Variants in PTGER4 observed in about 807,000 individuals in gnomAD.
PTGER4 encodes the protein prostaglandin E receptor 4, also known as prostaglandin E2 receptor EP4 subtype.
A neutral mutation model predicts 33.2 loss-of-function variants in PTGER4; 11 were observed. The ratio of observed to expected loss-of-function variants is 0.33; its 90% CI spans 0.21 to 0.55. PTGER4 has a LOEUF of 0.55. Among genes scored for constraint, PTGER4 ranks in the 20% least tolerant of loss-of-function variants. PTGER4 has a pLI of 0.92. For missense variants in PTGER4, 481 were observed against 650.2 expected (o/e 0.74, Z 2.83); for synonymous variants, 275 against 281.5 (o/e 0.98, Z 0.23).
In PTGER4 at chr5:40,693,587, C is replaced by T. The variant is rs976764338; in HGVS notation, c.*1209C>T. 1.3e-5 allele frequency: 13 copies of T among 985,740 alleles called. No homozygotes were observed. The highest frequency in any genetic ancestry group is 1.6e-5 in the Non-Finnish European group (13 of 829,898). 61.1% of individuals were successfully genotyped at this position (985,740 alleles called of 1,614,324 possible). A position where few individuals can be genotyped will look rare whatever the true frequency, so the allele number is the denominator to read the frequency against. ...GTACACATATTTGAAGGGTCTTTCT[C>T]AAAGAAATATTAAGCATGTTTTGTT... is the stretch of plus-strand genomic sequence containing the variant. On this transcript the variant is annotated 3_prime_UTR_variant, in exon 3 of 3. Coordinates refer to ENST00000302472, the MANE Select transcript of PTGER4 (RefSeq NM_000958.3).
At chr5:40,701,655 G>A in the PTGER4 span, among the ~76,000 whole-genome samples, 1 of 152,158 alleles carries the variant, frequency 6.6e-6, no homozygotes, top group Non-Finnish European at 1.5e-5. Context: ...AGGGAGGCCA[G>A]CAGTCAAATT....
the PTGER4 span, among the ~76,000 whole-genome samples, chr5:40,737,299 C>CA: frequency 0.035 from 4,119 of 116,254 alleles, 54 homozygotes; most frequent in Middle Eastern, 0.083. Context: ...GGCTCCACCT[C>CA]AAAAAAAAAA....
At chr5:40,690,130 A>G (rs1367499522) in intron 2 of PTGER4, among the ~76,000 whole-genome samples, 1 of 152,140 alleles carries the variant, frequency 6.6e-6, no homozygotes, top group African/African-American at 2.4e-5. Context: ...ACTTGAGCTC[A>G]AGAGTTAGAG....
intron 2 of PTGER4, among the ~76,000 whole-genome samples, chr5:40,689,813 T>C (rs1741424437): frequency 6.6e-6 from 1 of 152,184 alleles, no homozygotes; most frequent in Non-Finnish European, 1.5e-5. Flanking sequence ...ACTGTGAGAC[T>C]CAACCTCTTC....
chr5:40,728,295 A>AAAAAAAAAAAAAT, the PTGER4 span: 2 of 1,239,896 alleles, frequency 1.6e-6, no homozygotes, highest in Non-Finnish European at 2.2e-6. Context: ...AAAAAAAAAA[A>AAAAAAAAAAAAAT]GTCAAAATAT....
At position 40,680,867 on chromosome 5, in the gene PTGER4, T is replaced by G; in HGVS notation, c.-43-84T>G. The stretch of plus-strand genomic sequence containing the variant: ...AGTTGCTCCCCTTGTCTTATCAGTG[T>G]ATCGTTTCTCGGGCGCGGGTCTAAC... On this transcript the variant is annotated intron_variant, in intron 1 of 2. Coordinates refer to ENST00000302472, the MANE Select transcript of PTGER4 (RefSeq NM_000958.3). The surrounding 1 kb of genome is among the most constrained non-coding windows in gnomAD (Gnocchi z 5.5). 1 of 1,194,140 alleles carries G rather than the reference T, an allele frequency of 8.4e-7. No individual in the cohort carries two copies. Among genetic ancestry groups the G allele is most frequent in the Non-Finnish European group, 1.2e-6 (1 of 852,488 alleles). The allele number at this position is 1,194,140 out of a possible 1,614,324, so 74.0% of individuals were successfully genotyped here.
intron 2 of PTGER4, among the ~76,000 whole-genome samples, chr5:40,688,045 A>G (rs1741372216): frequency 6.6e-6 from 1 of 152,200 alleles, no homozygotes; most frequent in African/African-American, 2.4e-5. Context: ...CAACCTTTCT[A>G]AAAGGCCACA....
Position 40,681,327 on chromosome 5 carries a change from G to A in PTGER4, c.334G>A (p.Ala112Thr), listed in dbSNP as rs746407417. Residue 112 changes from alanine (A) to threonine (T), a missense_variant, in exon 2 of 3, where the codon GCC becomes ACC. This residue lies in a region of PTGER4 where 61 missense variants were observed against 145.2 expected (regional missense o/e 0.42). Transcript: ENST00000302472. This position sits in a 1 kb window ranked among gnomAD's most constrained non-coding sequence, Gnocchi z 9.8. Reference sequence around the variant, plus strand: ...CCTGTCCGGCCTCAGCATCATCTGCGCCATGAGTGTCGAGCGCTACCTGGC... The same window carrying A: ...CCTGTCCGGCCTCAGCATCATCTGCACCATGAGTGTCGAGCGCTACCTGGC... ...FSLSGLSIIC[A>T]MSVERYLAIN... 6.2e-7 allele frequency: 1 copy of A among 1,614,140 alleles called. No individual in the cohort carries two copies. Among genetic ancestry groups the A allele is most frequent in the Non-Finnish European group, 8.5e-7 (1 of 1,180,028 alleles).
the PTGER4 span, chr5:40,716,098 A>C: frequency 6.8e-7 from 1 of 1,462,326 alleles, no homozygotes. Context: ...TCAAAACTTC[A>C]AGAGGCAATC....
intron 2 of PTGER4, among the ~76,000 whole-genome samples, chr5:40,687,293 C>A (rs1451509445): frequency 6.6e-6 from 1 of 152,202 alleles, no homozygotes; most frequent in Non-Finnish European, 1.5e-5. Flanking sequence ...GATCCGCCTG[C>A]CTCAGCCTCC....
In PTGER4 at chr5:40,692,143, G is replaced by T. The variant is rs962367482; in HGVS notation, c.1232G>T (p.Gly411Val). ...LPDLSENGLG[G>V]RNLLPGVPGM... The stretch of plus-strand genomic sequence containing the variant: ...GACCTCAGTGAAAATGGCCTTGGAG[G>T]CAGGAATTTGCTTCCAGGTGTGCCT... The change falls in exon 3 of 3, where the codon GGC (glycine) becomes GTC (valine). Residue 411 changes from glycine (G) to valine (V), a missense_variant. Coordinates refer to ENST00000302472, the MANE Select transcript of PTGER4 (RefSeq NM_000958.3). 8 of 1,614,108 alleles carry T rather than the reference G, an allele frequency of 5.0e-6. No homozygotes were observed. Among genetic ancestry groups the T allele is most frequent in the African/African-American group, 1.3e-5 (1 of 74,942 alleles).
At chr5:40,741,115 T>G in the PTGER4 span, among the ~76,000 whole-genome samples, 1 of 152,250 alleles carries the variant, frequency 6.6e-6, no homozygotes, top group Non-Finnish European at 1.5e-5. Context: ...CTCTTTGGCA[T>G]GTCCAGTAAT....
At chr5:40,722,703 C>T in the PTGER4 span, among the ~76,000 whole-genome samples, 6 of 151,398 alleles carry the variant, frequency 4.0e-5, no homozygotes, top group African/African-American at 7.3e-5. Context: ...GGAGCGTCTC[C>T]GCCCGGCCAG....
At chr5:40,708,374 C>T in the PTGER4 span, among the ~76,000 whole-genome samples, 1 of 152,200 alleles carries the variant, frequency 6.6e-6, no homozygotes, top group Non-Finnish European at 1.5e-5. Flanking sequence ...CACAGAAATA[C>T]AAACTGCCAT....
rs1409449865 is a variant in PTGER4, at chr5:40,681,662, G to A, written c.669G>A (p.Leu223=). 1 of 1,591,032 alleles carries A rather than the reference G, an allele frequency of 6.3e-7. No individual in the cohort carries two copies. Among genetic ancestry groups the A allele is most frequent in the Admixed American group, 1.7e-5 (1 of 58,022 alleles). The change falls in exon 2 of 3, where the codon CTG becomes CTA. Residue 223 remains leucine, a synonymous_variant. Coordinates refer to ENST00000302472, the MANE Select transcript of PTGER4 (RefSeq NM_000958.3). This position sits in a 1 kb window ranked among gnomAD's most constrained non-coding sequence, Gnocchi z 9.8. The part of the protein sequence containing the change: ...MHRQFMRRTS[L]GTEQHHAAAA... ...GCCAGTTCATGCGCCGCACCTCGCT[G>A]GGCACCGAGCAGCACCACGCGGCCG...
chr5:40,734,142 A>G, the PTGER4 span, among the ~76,000 whole-genome samples: 3 of 152,190 alleles, frequency 2.0e-5, no homozygotes, highest in Non-Finnish European at 4.4e-5. Flanking sequence ...CACTATCATC[A>G]ACTTATTCAA....
chr5:40,724,519 G>C, the PTGER4 span, among the ~76,000 whole-genome samples: 1 of 151,994 alleles, frequency 6.6e-6, no homozygotes, highest in East Asian at 1.9e-4. Flanking sequence ...TATAGTCCCA[G>C]CTACTTGGGA....
At chr5:40,700,166 G>T in the PTGER4 span, among the ~76,000 whole-genome samples, 1 of 152,332 alleles carries the variant, frequency 6.6e-6, no homozygotes, top group East Asian at 1.9e-4. Flanking sequence ...ATTGGAAGAT[G>T]AAAATTTTAA....
At chr5:40,696,800 G>C, downstream of PTGER4, 1 of 794,024 alleles carries the variant, frequency 1.3e-6, no homozygotes, top group Non-Finnish European at 1.5e-6. Flanking sequence ...GGTGAAACAG[G>C]ATTTAATACA....
Sources: allele counts gnomAD v4.1 joint callset (sites outside exome capture counted in the v4.1 genomes callset), GRCh38; gene constraint gnomAD v4.1.1; regional missense constraint gnomAD v4.1.1; non-coding constraint Gnocchi (gnomAD v3.1); transcripts MANE v1.5; gene names NCBI Gene and HGNC (gene_info 2026-07-23, HGNC 2026-07-21).